The following KCNG2 variants were observed in gnomAD, a reference collection of about 807,000 sequenced individuals.
The protein encoded by KCNG2 is potassium voltage-gated channel modifier subfamily G member 2.
KCNG2 carries 7 observed loss-of-function variants against 12.3 expected under a neutral mutation model. That is an observed-to-expected ratio of 0.57 (90% CI 0.32 to 1.07). The LOEUF (loss-of-function observed/expected upper bound fraction) is 1.07. Among genes scored for constraint, KCNG2 ranks in the 50% least tolerant of loss-of-function variants. The pLI is 0.04. For synonymous variants in KCNG2, 414 were observed against 351.4 expected (o/e 1.18, Z -1.99); for missense variants, 703 against 726.0 (o/e 0.97, Z 0.36).
intron 1 of KCNG2, among the ~76,000 whole-genome samples, chr18:79,835,999 T>A (rs546776516): frequency 9.2e-5 from 14 of 152,100 alleles, no homozygotes; most frequent in Non-Finnish European, 8.8e-5. Context: ...CAGTACAAAA[T>A]GGAAGATTAA....
intron 3 of KCNG2, among the ~76,000 whole-genome samples, chr18:79,871,932 G>A (rs1358928827): frequency 6.6e-6 from 1 of 152,118 alleles, no homozygotes; most frequent in African/African-American, 2.4e-5. Flanking sequence ...TGTGTCACCA[G>A]GGCCAGCTGC....
At chr18:79,847,227 C>T (rs561263511) in intron 1 of KCNG2, among the ~76,000 whole-genome samples, 1 of 152,332 alleles carries the variant, frequency 6.6e-6, no homozygotes, top group Admixed American at 6.5e-5. Context: ...CGTACAAGGT[C>T]CCCCAGGTGC....
intron 1 of KCNG2, among the ~76,000 whole-genome samples, chr18:79,841,553 C>T (rs912817172): frequency 1.4e-4 from 21 of 152,130 alleles, no homozygotes; most frequent in African/African-American, 5.1e-4. Flanking sequence ...TCTCAAAACT[C>T]AACAGCAAAA....
intron 1 of KCNG2, among the ~76,000 whole-genome samples, chr18:79,855,446 GAACTGCCGCTTTGAC>G (rs1442991385): frequency 5.3e-5 from 8 of 152,142 alleles, no homozygotes; most frequent in Admixed American, 4.6e-4. Context: ...CCACTGCTGG[GAACTGCCGCTTTGAC>G]TGGTTCTCTG....
Position 79,899,243 on chromosome 18 carries a change from GA to G in KCNG2, c.829del (p.Thr277ProfsTer22). 2 of 1,597,096 alleles carry G rather than the reference GA, an allele frequency of 1.3e-6. No homozygotes were observed. Among genetic ancestry groups the G allele is most frequent in the Admixed American group, 3.4e-5 (2 of 59,646 alleles). On this transcript the variant is annotated frameshift_variant, in exon 4 of 4. Transcript: ENST00000316249. LOFTEE classifies it low-confidence loss of function (END_TRUNC). The part of the protein sequence containing the change: ...LLGLAAGPGG[T>X]KLLERAGLVL... ...TGGGGCTGGCGGCAGGCCCGGGCGGGACCAAGCTCCTGGAGCGCGCGGGGCT... is the reference window on the plus strand; with the variant it reads ...TGGGGCTGGCGGCAGGCCCGGGCGGGCCAAGCTCCTGGAGCGCGCGGGGCT...
chr18:79,882,612 A>G (rs7244168), intron 3 of KCNG2, among the ~76,000 whole-genome samples: 5,217 of 152,368 alleles, frequency 0.034, 305 homozygotes, highest in African/African-American at 0.12. Context: ...GTTAAGCCAC[A>G]GGAGCTGTCA....
At chr18:79,860,014 T>C (rs1222108029) in intron 2 of KCNG2, among the ~76,000 whole-genome samples, 2 of 152,222 alleles carry the variant, frequency 1.3e-5, no homozygotes, top group Admixed American at 6.5e-5. Context: ...ACGGTGCCAA[T>C]GTCTGCTAAG....
chr18:79,866,872 T>TGTGTGCTGAGAGGTCC (rs1487766377), intron 3 of KCNG2, among the ~76,000 whole-genome samples: 1 of 142,562 alleles, frequency 7.0e-6, no homozygotes, highest in Non-Finnish European at 1.5e-5. Context: ...TGCTGAGGTC[T>TGTGTGCTGAGAGGTCC]GTGTGCTGAG....
intron 3 of KCNG2, among the ~76,000 whole-genome samples, chr18:79,871,339 G>A (rs1432917653): frequency 6.6e-6 from 1 of 152,232 alleles, no homozygotes; most frequent in Non-Finnish European, 1.5e-5. Flanking sequence ...GATGGACATA[G>A]GGTGTGGACA....
chr18:79,832,435 A>G (rs1003051746), intron 1 of KCNG2, among the ~76,000 whole-genome samples: 1 of 132,556 alleles, frequency 7.5e-6, no homozygotes, highest in Non-Finnish European at 1.6e-5. Flanking sequence ...TCACCTGTCC[A>G]TCCTTACCTG....
intron 1 of KCNG2, among the ~76,000 whole-genome samples, chr18:79,814,866 G>A (rs577942450): frequency 6.6e-6 from 1 of 151,068 alleles, no homozygotes; most frequent in South Asian, 2.1e-4. Context: ...GATTTGTTTT[G>A]AAGGGGGAAG....
chr18:79,850,764 C>T (rs901804394), intron 1 of KCNG2, among the ~76,000 whole-genome samples: 3 of 152,218 alleles, frequency 2.0e-5, no homozygotes, highest in Non-Finnish European at 4.4e-5. Flanking sequence ...ACTAAGCGTA[C>T]AGGCTTCATA....
chr18:79,804,100 C>G (rs2087431120), intron 1 of KCNG2, among the ~76,000 whole-genome samples: 1 of 152,204 alleles, frequency 6.6e-6, no homozygotes, highest in African/African-American at 2.4e-5. Flanking sequence ...CCTGCCACCT[C>G]GGGGTCTGTG....
chr18:79,831,852 C>T (rs1041302439), intron 1 of KCNG2, among the ~76,000 whole-genome samples: 5 of 152,202 alleles, frequency 3.3e-5, no homozygotes, highest in African/African-American at 9.7e-5. Context: ...ACCTGGCGGG[C>T]GGCCTAGGTG....
chr18:79,864,288 G>C lies in KCNG2; in HGVS notation c.621G>C (p.Glu207Asp). 6.5e-7 allele frequency: 1 copy of C among 1,532,606 alleles called. No homozygotes were observed. The highest frequency in any genetic ancestry group is 8.7e-7 in the Non-Finnish European group (1 of 1,146,244). The allele number at this position is 1,532,606 out of a possible 1,614,324, so 94.9% of individuals were successfully genotyped here. A position where few individuals can be genotyped will look rare whatever the true frequency, so the allele number is the denominator to read the frequency against. The change falls in exon 3 of 4, where the codon GAG becomes GAC. Residue 207 changes from glutamate (E) to aspartate (D), a missense_variant. Glu to Asp is a conservative substitution (Grantham distance 45). Transcript: ENST00000316249. Reference sequence around the variant, plus strand: ...TGCCGGACATCCGCGCCGAGGAGGAGCGGGTGAGCGCGGCCGGGGGTGGCG... The same window carrying C: ...TGCCGGACATCCGCGCCGAGGAGGACCGGGTGAGCGCGGCCGGGGGTGGCG... ...STMPDIRAEE[E>D]RGECSPKCRS...
intron 3 of KCNG2, among the ~76,000 whole-genome samples, chr18:79,896,335 CA>C (rs1049966557): frequency 1.3e-5 from 2 of 151,872 alleles, no homozygotes; most frequent in African/African-American, 4.8e-5. Flanking sequence ...GAGTTTACCA[CA>C]AATAATCAGA....
At chr18:79,823,212 C>T (rs1331240378) in intron 1 of KCNG2, among the ~76,000 whole-genome samples, 6 of 152,344 alleles carry the variant, frequency 3.9e-5, no homozygotes, top group African/African-American at 7.2e-5. Context: ...CCTTCCGGCA[C>T]GTGCCCCACC....
chr18:79,864,067 CGCGCGGGGCCGA>C lies in KCNG2; in HGVS notation c.401_412del (p.Arg134_Thr138delinsPro), dbSNP rs747650279. On this transcript the variant is annotated inframe_deletion, in exon 3 of 4. Transcript: ENST00000316249. ...CCGCGAGGAGGAGGCGGCCGAGGCC[CGCGCGGGGCCGA>C]CGGAGCGCGGGGCGCAGGGGAGCCC... is the stretch of plus-strand genomic sequence containing the variant. 7.8e-4 allele frequency: 846 copies of C among 1,079,500 alleles called. 11 individuals carry two copies. In the East Asian group the frequency reaches 0.034, roughly 43 times the overall value. 66.9% of individuals were successfully genotyped at this position (1,079,500 alleles called of 1,614,324 possible). A position where few individuals can be genotyped will look rare whatever the true frequency, so the allele number is the denominator to read the frequency against.
intron 1 of KCNG2, among the ~76,000 whole-genome samples, chr18:79,852,133 G>A (rs558300484): frequency 6.6e-4 from 100 of 152,274 alleles, no homozygotes; most frequent in African/African-American, 2.3e-3. Context: ...GGTTGGGGCC[G>A]GAATTGGGGG....
Sources: gnomAD v4.1 joint callset for allele counts (sites outside exome capture counted in the v4.1 genomes callset) on GRCh38, gnomAD v4.1.1 for gene constraint, MANE v1.5 for transcripts, NCBI Gene and HGNC (gene_info 2026-07-23, HGNC 2026-07-21) for gene names.